The following ORC5 variants were observed in gnomAD, a reference collection of about 807,000 sequenced individuals.
ORC5 encodes protein phosphatase 1, regulatory subunit 117.
ORC5 carries 39 observed loss-of-function variants against 58.8 expected under a neutral mutation model. The observed-to-expected ratio is 0.66, with a 90% CI of 0.51 to 0.87. The LOEUF is 0.87. Among genes scored for constraint, ORC5 ranks in the 40% least tolerant of loss-of-function variants. The pLI, the probability that ORC5 is intolerant of heterozygous loss-of-function variation, is 0.00. For missense variants in ORC5, 493 were observed against 506.3 expected, an observed-to-expected ratio of 0.97 and a Z score of 0.25; for synonymous variants, 218 against 177.6, an observed-to-expected ratio of 1.23 and a Z score of -1.81.
Position 104,208,002 on chromosome 7 carries a change from G to A in ORC5, c.-98C>T, listed in dbSNP as rs754336517. ...AGTCTGGCGGCCCACGCTCCCGCCGGAAACCGGACCCGCAGCGTCGTGGGA... is the reference window on the plus strand; with the variant it reads ...AGTCTGGCGGCCCACGCTCCCGCCGAAAACCGGACCCGCAGCGTCGTGGGA... On this transcript the variant is annotated 5_prime_UTR_variant, in exon 1 of 14. Coordinates refer to ENST00000297431, the MANE Select transcript of ORC5 (RefSeq NM_002553.4). 47 of 1,180,404 alleles carry A rather than the reference G, an allele frequency of 4.0e-5. No individual in the cohort carries two copies. The highest frequency in any genetic ancestry group is 5.6e-5 in the Non-Finnish European group (45 of 802,848). 73.1% of individuals were successfully genotyped at this position (1,180,404 alleles called of 1,614,324 possible).
At chr7:104,189,691 C>A (rs1341615270) in intron 5 of ORC5, among the ~76,000 whole-genome samples, 1 of 152,096 alleles carries the variant, frequency 6.6e-6, no homozygotes, top group African/African-American at 2.4e-5. Context: ...ACACTCCAGC[C>A]CCACAGGGAC....
At chr7:104,137,127 T>C (rs575009762) in intron 12 of ORC5, among the ~76,000 whole-genome samples, 2 of 151,004 alleles carry the variant, frequency 1.3e-5, no homozygotes, top group South Asian at 4.2e-4. Flanking sequence ...CTTAGAGATA[T>C]GGTCTCGTTC....
chr7:104,157,575 G>A lies in ORC5; in HGVS notation c.1149+3497C>T, dbSNP rs543408988. Reference sequence around the variant, plus strand: ...GTTTTCTTAACTGTGTAATATTACTGGCACTGCTATAACCACGAAGACTGC... The same window carrying A: ...GTTTTCTTAACTGTGTAATATTACTAGCACTGCTATAACCACGAAGACTGC... On this transcript the variant is annotated intron_variant, in intron 12 of 13. Transcript: ENST00000297431. Among the ~76,000 whole-genome samples the A allele has an allele frequency of 6.6e-5, 10 of 152,102 alleles. 1 individual carries two copies. Among genetic ancestry groups the A allele is most frequent in the East Asian group, 5.8e-4 (3 of 5,182 alleles).
intron 6 of ORC5, among the ~76,000 whole-genome samples, chr7:104,186,550 T>A (rs1278328068): frequency 6.6e-6 from 1 of 152,152 alleles, no homozygotes; most frequent in Non-Finnish European, 1.5e-5. Flanking sequence ...TTTTCTCCTA[T>A]CTTAAGCTAC....
intron 12 of ORC5, among the ~76,000 whole-genome samples, chr7:104,155,454 C>A (rs1036566070): frequency 2.6e-5 from 4 of 151,334 alleles, no homozygotes; most frequent in Non-Finnish European, 5.9e-5. Context: ...CTTTTCTAAT[C>A]TTTCAGCTGT....
At position 104,161,073 on chromosome 7, in the gene ORC5, T is replaced by C. The variant is rs374829011; in HGVS notation, c.1148A>G (p.Gln383Arg). The C allele has an allele frequency of 5.4e-6, 8 of 1,483,120 alleles. No homozygotes were observed. Among genetic ancestry groups the C allele is most frequent in the African/African-American group, 1.4e-5 (1 of 72,432 alleles). The allele number at this position is 1,483,120 out of a possible 1,614,324, so 91.9% of individuals were successfully genotyped here. The change falls in exon 12 of 14, where the codon CAG becomes CGG. Residue 383 changes from glutamine (Q) to arginine (R), a missense_variant and splice_region_variant. Coordinates refer to ENST00000297431, the MANE Select transcript of ORC5 (RefSeq NM_002553.4). ...RVAPTANIFS[Q>R]ITSLVTLQLL... Reference sequence around the variant, plus strand: ...ATAATAATCTATGATTAAGCTTACCTGGGAAAAAATATTTGCTGTTGGAGC... The same window carrying C: ...ATAATAATCTATGATTAAGCTTACCCGGGAAAAAATATTTGCTGTTGGAGC...
chr7:104,159,085 C>T (rs1392488880), intron 12 of ORC5, among the ~76,000 whole-genome samples: 1 of 151,120 alleles, frequency 6.6e-6, no homozygotes, highest in Non-Finnish European at 1.5e-5. Flanking sequence ...CCCAAATGTC[C>T]AACAATGATA....
At chr7:104,139,904 T>C (rs1798645919) in intron 12 of ORC5, among the ~76,000 whole-genome samples, 1 of 152,012 alleles carries the variant, frequency 6.6e-6, no homozygotes, top group Non-Finnish European at 1.5e-5. Context: ...GAGAGAGGTA[T>C]TAAAATTCTT....
At chr7:104,148,132 C>T (rs1437185438) in intron 12 of ORC5, among the ~76,000 whole-genome samples, 1 of 152,120 alleles carries the variant, frequency 6.6e-6, no homozygotes, top group Non-Finnish European at 1.5e-5. Context: ...ATCCTCAATT[C>T]TCACAAAAAC....
intron 8 of ORC5, among the ~76,000 whole-genome samples, chr7:104,176,036 A>G (rs944197181): frequency 3.3e-5 from 5 of 152,276 alleles, no homozygotes; most frequent in East Asian, 1.9e-4. Flanking sequence ...CACAGTCTTC[A>G]TAAGATTGCC....
At chr7:104,143,167 T>C (rs1278250462) in intron 12 of ORC5, among the ~76,000 whole-genome samples, 1 of 152,186 alleles carries the variant, frequency 6.6e-6, no homozygotes, top group African/African-American at 2.4e-5. Flanking sequence ...TTTTTTTTAA[T>C]ACAGAAGAAA....
chr7:104,185,192 T>C (rs1307218024), intron 6 of ORC5, among the ~76,000 whole-genome samples: 6 of 152,104 alleles, frequency 3.9e-5, no homozygotes, highest in African/African-American at 1.4e-4. Flanking sequence ...ATTTTACCTA[T>C]GTAACAAACC....
At chr7:104,180,309 A>G (rs564689663) in intron 8 of ORC5, among the ~76,000 whole-genome samples, 2 of 150,036 alleles carry the variant, frequency 1.3e-5, no homozygotes, top group East Asian at 3.9e-4. Context: ...CTGTCCCAAG[A>G]AACAAATATT....
At chr7:104,188,441 A>G (rs1042515647) in intron 5 of ORC5, 60 bp from the exon 6 acceptor site, 2 of 1,345,438 alleles carry the variant, frequency 1.5e-6, no homozygotes, top group Non-Finnish European at 1.0e-6. Flanking sequence ...TCATATCTTC[A>G]AGCATTTTAT....
intron 12 of ORC5, among the ~76,000 whole-genome samples, chr7:104,142,805 T>G (rs898577439): frequency 6.6e-6 from 1 of 152,140 alleles, no homozygotes; most frequent in Non-Finnish European, 1.5e-5. Context: ...TCTTAAAAGA[T>G]TAATTGTTTG....
intron 2 of ORC5, 100 bp from the exon 3 acceptor site, chr7:104,201,058 C>T (rs1362154201): frequency 2.3e-6 from 2 of 873,738 alleles, no homozygotes; most frequent in Admixed American, 4.8e-5. Context: ...AAATCTATAT[C>T]CCACCAAACC....
chr7:104,151,734 A>G (rs1440961121), intron 12 of ORC5, among the ~76,000 whole-genome samples: 1 of 152,202 alleles, frequency 6.6e-6, no homozygotes. Flanking sequence ...GAGCTAGAGA[A>G]TAAGAACTAG....
chr7:104,168,438 A>C (rs1489190187), intron 9 of ORC5, 35 bp downstream of exon 9: 1 of 1,602,880 alleles, frequency 6.2e-7, no homozygotes, highest in Non-Finnish European at 8.5e-7. Context: ...CTGAAGAAGT[A>C]TCTCCGGTAA....
chr7:104,131,536 C>T (rs1192689513), intron 13 of ORC5, among the ~76,000 whole-genome samples: 2 of 152,168 alleles, frequency 1.3e-5, no homozygotes, highest in Non-Finnish European at 2.9e-5. Flanking sequence ...CTCTCAACCA[C>T]ATAACCCCTT....
Sources: gnomAD v4.1 joint callset for allele counts (sites outside exome capture counted in the v4.1 genomes callset) on GRCh38, gnomAD v4.1.1 for gene constraint, MANE v1.5 for transcripts, NCBI Gene and HGNC (gene_info 2026-07-23, HGNC 2026-07-21) for gene names.